Variants in LHFPL4 observed in about 807,000 individuals in gnomAD.
LHFPL4 encodes LHFPL tetraspan subfamily member 4.
Under a neutral mutation model 20.0 loss-of-function variants are expected in LHFPL4, and 6 were observed. That is an observed-to-expected ratio of 0.30 (90% CI 0.16 to 0.59). The LOEUF (loss-of-function observed/expected upper bound fraction) is 0.59, where lower values mean the gene tolerates loss of function less well. LHFPL4 is among the 20% of genes least tolerant of loss of function. LHFPL4 has a pLI of 0.88. For missense variants in LHFPL4, 215 were observed against 331.2 expected (o/e 0.65, Z 2.72); for synonymous variants, 129 against 143.8 (o/e 0.90, Z 0.74).
chr3:9,531,893 G>A (rs2046411481), intron 2 of LHFPL4, among the ~76,000 whole-genome samples: 1 of 152,190 alleles, frequency 6.6e-6, no homozygotes, highest in Non-Finnish European at 1.5e-5. Context: ...AAATTAGGAT[G>A]AGCCTAAGAA....
chr3:9,499,284 C>G lies in LHFPL4; in HGVS notation c.*2927G>C, dbSNP rs927502130. 2 of 152,492 alleles carry G rather than the reference C, an allele frequency of 1.3e-5. No homozygotes were observed. The highest frequency in any genetic ancestry group is 2.9e-5 in the Non-Finnish European group (2 of 68,274). 9.4% of individuals were successfully genotyped at this position (152,492 alleles called of 1,614,324 possible). A position where few individuals can be genotyped will look rare whatever the true frequency, so the allele number is the denominator to read the frequency against. ...GTCTTTATTGCCCCAGGAGGGCCAT[C>G]AGGGCCTCACCTGGGGCCCCCACTG... On this transcript the variant is annotated 3_prime_UTR_variant, in exon 4 of 4. Transcript: ENST00000287585.
rs983515226 is a variant in LHFPL4, at chr3:9,500,944, C to CAAA, written c.*1266_*1267insTTT. 6.8e-6 allele frequency: 1 copy of CAAA among 146,824 alleles called. No homozygotes were observed. The highest frequency in any genetic ancestry group is 1.5e-5 in the Non-Finnish European group (1 of 64,924). 9.1% of individuals were successfully genotyped at this position (146,824 alleles called of 1,614,324 possible). On this transcript the variant is annotated 3_prime_UTR_variant, in exon 4 of 4. Coordinates refer to ENST00000287585, the MANE Select transcript of LHFPL4 (RefSeq NM_198560.3). Reference sequence around the variant, plus strand: ...GAAACTTCTCACCTGTCCCCCAACACACACACACACACACACGCTCACACG... The same window carrying CAAA: ...GAAACTTCTCACCTGTCCCCCAACACAAAACACACACACACACACGCTCACACG...
At chr3:9,515,173 G>A (rs1203058749) in intron 2 of LHFPL4, among the ~76,000 whole-genome samples, 1 of 152,174 alleles carries the variant, frequency 6.6e-6, no homozygotes, top group Non-Finnish European at 1.5e-5. Flanking sequence ...TGGTGTCAGT[G>A]TTCTGGATGT....
chr3:9,530,263 A>C (rs1022153042), intron 2 of LHFPL4, among the ~76,000 whole-genome samples: 1 of 152,220 alleles, frequency 6.6e-6, no homozygotes, highest in Non-Finnish European at 1.5e-5. Flanking sequence ...ATCTACACTG[A>C]AAATCTGTTG....
At chr3:9,525,061 G>T (rs1210683294) in intron 2 of LHFPL4, among the ~76,000 whole-genome samples, 1 of 152,130 alleles carries the variant, frequency 6.6e-6, no homozygotes, top group Admixed American at 6.5e-5. Context: ...CTTCCCCCAA[G>T]ATCAGTTAGC....
Position 9,502,118 on chromosome 3 carries a change from G to T in LHFPL4, c.*93C>A. ...TCGGTGAGAAGTAAGTCTGAGATCA[G>T]GGTCTTCCCTCAGAGCTTGAATGGA... On this transcript the variant is annotated 3_prime_UTR_variant, in exon 4 of 4. Coordinates refer to ENST00000287585, the MANE Select transcript of LHFPL4 (RefSeq NM_198560.3). 1.1e-6 allele frequency: 1 copy of T among 896,834 alleles called. No homozygotes were observed. Among genetic ancestry groups the T allele is most frequent in the Non-Finnish European group, 1.8e-6 (1 of 544,712 alleles). The allele number at this position is 896,834 out of a possible 1,614,324, so 55.6% of individuals were successfully genotyped here. A position where few individuals can be genotyped will look rare whatever the true frequency, so the allele number is the denominator to read the frequency against.
chr3:9,524,700 G>A lies in LHFPL4; in HGVS notation c.407-18497C>T, dbSNP rs149440538. 1.7e-4 allele frequency among the ~76,000 whole-genome samples: 26 copies of A among 152,234 alleles called. No homozygotes were observed. The East Asian group carries it at 5.0e-3, about 29-fold the overall frequency. On this transcript the variant is annotated intron_variant, in intron 2 of 3. Transcript: ENST00000287585. ...ATTGCAATATTAATTATAGTTATATGTGTAAATTCCTGGTCTGATAATTCC... is the reference window on the plus strand; with the variant it reads ...ATTGCAATATTAATTATAGTTATATATGTAAATTCCTGGTCTGATAATTCC...
At chr3:9,513,354 T>A (rs999977060) in intron 2 of LHFPL4, among the ~76,000 whole-genome samples, 2 of 151,962 alleles carry the variant, frequency 1.3e-5, no homozygotes, top group Admixed American at 1.3e-4. Context: ...CTGTCACTTG[T>A]TTTGTCTTGC....
intron 2 of LHFPL4, among the ~76,000 whole-genome samples, chr3:9,539,595 C>G (rs566635508): frequency 6.9e-6 from 1 of 144,720 alleles, no homozygotes; most frequent in African/African-American, 2.6e-5. Flanking sequence ...AACACTAAAC[C>G]CAGCAACCAT....
chr3:9,547,775 GAGA>G (rs1387743340), intron 2 of LHFPL4, among the ~76,000 whole-genome samples: 1 of 135,508 alleles, frequency 7.4e-6, no homozygotes, highest in Non-Finnish European at 1.6e-5. Flanking sequence ...CAAGATCTCG[GAGA>G]TTTTTGTTCT....
chr3:9,505,443 T>G (rs146951400), intron 3 of LHFPL4, among the ~76,000 whole-genome samples: 268 of 147,108 alleles, frequency 1.8e-3, no homozygotes, highest in Non-Finnish European at 3.2e-3. Context: ...CTAGTTTTTG[T>G]TTTTTTTTGT....
intron 2 of LHFPL4, among the ~76,000 whole-genome samples, chr3:9,541,391 C>T (rs1462471550): frequency 6.6e-6 from 1 of 152,212 alleles, no homozygotes; most frequent in African/African-American, 2.4e-5. Flanking sequence ...GGAAAAAGAA[C>T]AACCTTGGTG....
At chr3:9,546,666 A>G (rs544565964) in intron 2 of LHFPL4, among the ~76,000 whole-genome samples, 1 of 152,298 alleles carries the variant, frequency 6.6e-6, no homozygotes, top group South Asian at 2.1e-4. Flanking sequence ...AAGTGGATTG[A>G]TAAGACTCTT....
chr3:9,552,566 C>T lies in LHFPL4; in HGVS notation c.114G>A (p.Val38=), dbSNP rs9880840. 715 of 1,613,982 alleles carry T rather than the reference C, an allele frequency of 4.4e-4. 3 individuals are homozygous for T. In the African/African-American group the frequency reaches 8.2e-3, roughly 19 times the overall value. The change falls in exon 2 of 4, where the codon GTG becomes GTA. Residue 38 remains valine, a synonymous_variant. Transcript: ENST00000287585. ...IFTICFAIIN[V]VVFIQPYWVG... ...CCCAGTAGGGCTGGATGAAGACCAC[C>T]ACGTTGATGATGGCGAAGCAGATGG...
chr3:9,541,739 T>C (rs1460241072), intron 2 of LHFPL4, among the ~76,000 whole-genome samples: 1 of 151,302 alleles, frequency 6.6e-6, no homozygotes. Context: ...ACCACTGCAC[T>C]CCAGCGTGGG....
At chr3:9,508,196 C>G (rs1213262481) in intron 2 of LHFPL4, among the ~76,000 whole-genome samples, 2 of 152,212 alleles carry the variant, frequency 1.3e-5, no homozygotes, top group Non-Finnish European at 1.5e-5. Context: ...CCAGCCTCTT[C>G]CGGCTTCCAA....
intron 2 of LHFPL4, among the ~76,000 whole-genome samples, chr3:9,526,036 T>C (rs1256448593): frequency 3.3e-5 from 5 of 152,190 alleles, no homozygotes; most frequent in African/African-American, 7.2e-5. Context: ...ATGAAATATA[T>C]TGAACCTTAA....
rs1406548828 is a variant in LHFPL4 at position 9,501,518 on chromosome 3, C to A, written c.*693G>T. On this transcript the variant is annotated 3_prime_UTR_variant, in exon 4 of 4. Transcript: ENST00000287585. Reference sequence around the variant, plus strand: ...AAGCTCCAACTGCCGAGGCCACGTACCCCCTCCCGCTACCTCCAGAGCCTG... The same window carrying A: ...AAGCTCCAACTGCCGAGGCCACGTAACCCCTCCCGCTACCTCCAGAGCCTG... The A allele has an allele frequency of 6.6e-6, 1 of 152,646 alleles. No individual in the cohort carries two copies. Among genetic ancestry groups the A allele is most frequent in the Admixed American group, 6.5e-5 (1 of 15,288 alleles). The allele number at this position is 152,646 out of a possible 1,614,324, so 9.5% of individuals were successfully genotyped here. A position where few individuals can be genotyped will look rare whatever the true frequency, so the allele number is the denominator to read the frequency against.
At chr3:9,513,682 G>A (rs2046278072) in intron 2 of LHFPL4, among the ~76,000 whole-genome samples, 1 of 152,098 alleles carries the variant, frequency 6.6e-6, no homozygotes, top group South Asian at 2.1e-4. Context: ...ACATGCAGTC[G>A]AACCTAGTCC....
Sources: allele counts gnomAD v4.1 joint callset (sites outside exome capture counted in the v4.1 genomes callset), GRCh38; gene constraint gnomAD v4.1.1; transcripts MANE v1.5; gene names NCBI Gene and HGNC (gene_info 2026-07-23, HGNC 2026-07-21).